Variants in MAPK4 observed in about 807,000 individuals in gnomAD.
MAPK4 encodes the protein mitogen-activated protein kinase 4.
MAPK4 carries 22 observed loss-of-function variants against 47.7 expected under a neutral mutation model. The ratio of observed to expected loss-of-function variants is 0.46; its 90% CI spans 0.33 to 0.66. MAPK4 has a LOEUF of 0.66. Ranked by LOEUF, MAPK4 falls within the 30% of genes least tolerant of loss-of-function variation. The pLI is 0.02. For synonymous variants in MAPK4, 390 were observed against 365.7 expected (o/e 1.07, Z -0.76); for missense variants, 736 against 831.7 (o/e 0.88, Z 1.42).
At chr18:50,689,358 G>A (rs570346355) in intron 2 of MAPK4, among the ~76,000 whole-genome samples, 4 of 146,050 alleles carry the variant, frequency 2.7e-5, no homozygotes, top group South Asian at 2.1e-4. Context: ...CCGAGATTGC[G>A]CCATTGCACC....
At chr18:50,562,067 A>C (rs977283514) in intron 1 of MAPK4, among the ~76,000 whole-genome samples, 1 of 152,240 alleles carries the variant, frequency 6.6e-6, no homozygotes, top group Non-Finnish European at 1.5e-5. Context: ...CATCTGATCC[A>C]GAAGTTCTAG....
intron 1 of MAPK4, among the ~76,000 whole-genome samples, chr18:50,656,947 G>C (rs559101696): frequency 1.3e-5 from 2 of 152,198 alleles, no homozygotes; most frequent in African/African-American, 4.8e-5. Context: ...ACAGCAGTAG[G>C]GCTTAACAGT....
intron 1 of MAPK4, among the ~76,000 whole-genome samples, chr18:50,646,916 AAAGT>A (rs1357044493): frequency 2.6e-5 from 4 of 152,170 alleles, no homozygotes; most frequent in African/African-American, 9.7e-5. Flanking sequence ...GTTTCTCCCC[AAAGT>A]AATGGTCTCC....
At chr18:50,704,114 T>C (rs770963194) in intron 2 of MAPK4, among the ~76,000 whole-genome samples, 4 of 152,108 alleles carry the variant, frequency 2.6e-5, no homozygotes, top group Non-Finnish European at 5.9e-5. Context: ...TAGGGCCCAT[T>C]CCATTCCCTC....
rs1907428810 is a variant in MAPK4 at position 50,663,955 on chromosome 18, C to A, written c.-4C>A. On this transcript the variant is annotated 5_prime_UTR_variant, in exon 2 of 6. Transcript: ENST00000400384. ...CTGGGCAGCTCCAGATCACTGAGCC[C>A]ACAATGGCTGAGAAGGGTGACTGCA... The A allele has an allele frequency of 1.2e-6, 2 of 1,606,466 alleles. No individual in the cohort carries two copies. Among genetic ancestry groups the A allele is most frequent in the South Asian group, 2.2e-5 (2 of 90,368 alleles).
intron 1 of MAPK4, among the ~76,000 whole-genome samples, chr18:50,567,584 TA>T (rs1283006876): frequency 6.6e-6 from 1 of 152,254 alleles, no homozygotes; most frequent in Non-Finnish European, 1.5e-5. Flanking sequence ...TAGCATACTA[TA>T]AATGATGAAA....
rs535376983 is a variant in MAPK4, at chr18:50,670,723, C to A, written c.546+6219C>A. ...ATTGAGCCAAGATCACACCACTGCA[C>A]TCCAGTCTGGGCAACAGAGTGAGAC... is the stretch of plus-strand genomic sequence containing the variant. On this transcript the variant is annotated intron_variant, in intron 2 of 5. Coordinates refer to ENST00000400384, the MANE Select transcript of MAPK4 (RefSeq NM_002747.4). 2.3e-3 allele frequency among the ~76,000 whole-genome samples: 342 copies of A among 149,042 alleles called. 10 individuals are homozygous for A. Among genetic ancestry groups the A allele is most frequent in the Admixed American group, 0.022 (325 of 14,812 alleles).
At chr18:50,662,677 T>G (rs1164823045) in intron 1 of MAPK4, among the ~76,000 whole-genome samples, 1 of 152,136 alleles carries the variant, frequency 6.6e-6, no homozygotes, top group East Asian at 1.9e-4. Context: ...AAAACACGAG[T>G]ATCGATCCTT....
chr18:50,625,646 T>C (rs906386530), intron 1 of MAPK4, among the ~76,000 whole-genome samples: 3 of 151,800 alleles, frequency 2.0e-5, no homozygotes, highest in Non-Finnish European at 4.4e-5. Flanking sequence ...CTGAATACCA[T>C]TGTAGACTCG....
chr18:50,702,661 A>T (rs1909854353), intron 2 of MAPK4, among the ~76,000 whole-genome samples: 1 of 152,116 alleles, frequency 6.6e-6, no homozygotes, highest in African/African-American at 2.4e-5. Context: ...ACCAAGATCC[A>T]CCCTGGCCCC....
At chr18:50,603,450 C>G (rs967152765) in intron 1 of MAPK4, among the ~76,000 whole-genome samples, 5 of 152,186 alleles carry the variant, frequency 3.3e-5, no homozygotes, top group Non-Finnish European at 7.3e-5. Context: ...CCTCCTCATC[C>G]TCCTAAACTC....
At chr18:50,613,482 C>T (rs898902411) in intron 1 of MAPK4, among the ~76,000 whole-genome samples, 1 of 152,180 alleles carries the variant, frequency 6.6e-6, no homozygotes, top group Non-Finnish European at 1.5e-5. Flanking sequence ...GAATGCAGCC[C>T]ATTTGACACT....
At chr18:50,701,385 C>T (rs1158285727) in intron 2 of MAPK4, among the ~76,000 whole-genome samples, 1 of 152,202 alleles carries the variant, frequency 6.6e-6, no homozygotes, top group African/African-American at 2.4e-5. Context: ...TGAGAGCAAT[C>T]TGTTAGCAAA....
intron 2 of MAPK4, among the ~76,000 whole-genome samples, chr18:50,682,179 T>C (rs9947347): frequency 0.058 from 8,796 of 152,212 alleles, 567 homozygotes; most frequent in African/African-American, 0.16. Flanking sequence ...GTGAATAAAC[T>C]AAAACCCACT....
chr18:50,580,691 T>C (rs901024463), intron 1 of MAPK4, among the ~76,000 whole-genome samples: 5 of 152,170 alleles, frequency 3.3e-5, no homozygotes, highest in African/African-American at 1.2e-4. Flanking sequence ...TGTTCTGCCT[T>C]CTCTCTTTCA....
At chr18:50,695,690 G>C (rs1370647463) in intron 2 of MAPK4, among the ~76,000 whole-genome samples, 1 of 152,174 alleles carries the variant, frequency 6.6e-6, no homozygotes, top group African/African-American at 2.4e-5. Flanking sequence ...GAGTGAGAAG[G>C]CTGCATAGGA....
rs1264872393 is a variant in MAPK4 at position 50,730,711 on chromosome 18, C to T, written c.*857C>T. On this transcript the variant is annotated 3_prime_UTR_variant, in exon 6 of 6. Transcript: ENST00000400384. ...ACTTTCCTGACACGCAAAGACACAG[C>T]CCTCTTTCCCCACTGGGCGTCCTAC... 1 of 152,500 alleles carries T rather than the reference C, an allele frequency of 6.6e-6. No homozygotes were observed. Among genetic ancestry groups the T allele is most frequent in the Admixed American group, 6.6e-5 (1 of 15,266 alleles). The allele number at this position is 152,500 out of a possible 1,614,324, so 9.4% of individuals were successfully genotyped here.
At chr18:50,658,700 G>T (rs7238708) in intron 1 of MAPK4, among the ~76,000 whole-genome samples, 3,333 of 152,326 alleles carry the variant, frequency 0.022, 111 homozygotes, top group African/African-American at 0.075. Flanking sequence ...AGATTAGGTA[G>T]CTTTTGGAGA....
chr18:50,585,861 GA>G (rs2042383740), intron 1 of MAPK4, among the ~76,000 whole-genome samples: 1 of 152,164 alleles, frequency 6.6e-6, no homozygotes, highest in Non-Finnish European at 1.5e-5. Context: ...AGCAAAGGGG[GA>G]AAAGCCTCAT....
Sources: gnomAD v4.1 joint callset for allele counts (sites outside exome capture counted in the v4.1 genomes callset) on GRCh38, gnomAD v4.1.1 for gene constraint, MANE v1.5 for transcripts, NCBI Gene and HGNC (gene_info 2026-07-23, HGNC 2026-07-21) for gene names.